Variants in PLCB1 observed in about 807,000 individuals in gnomAD.
PLCB1 encodes the protein phospholipase C beta 1.
PLCB1 carries 46 observed loss-of-function variants against 161.8 expected under a neutral mutation model. The ratio of observed to expected loss-of-function variants is 0.28; its 90% CI spans 0.22 to 0.36. PLCB1 has a LOEUF of 0.36. PLCB1 is among the 10% of genes least tolerant of loss of function. PLCB1 has a pLI of 1.00. For synonymous variants in PLCB1, 517 were observed against 503.7 expected (o/e 1.03, Z -0.35); for missense variants, 1,016 against 1,472.5 (o/e 0.69, Z 5.07).
chr20:8,526,096 T>TA (rs1568493935), intron 3 of PLCB1, among the ~76,000 whole-genome samples: 1 of 152,118 alleles, frequency 6.6e-6, no homozygotes, highest in Non-Finnish European at 1.5e-5. Context: ...GCGGTGGAGA[T>TA]ACCTGAGTAT....
chr20:8,880,156 A>C (rs1987921999), intron 31 of PLCB1, among the ~76,000 whole-genome samples: 1 of 152,136 alleles, frequency 6.6e-6, no homozygotes, highest in East Asian at 1.9e-4. Context: ...CCAAGCTAAT[A>C]AGGAGGTGTG....
intron 27 of PLCB1, among the ~76,000 whole-genome samples, chr20:8,776,926 T>A (rs182945036): frequency 6.6e-6 from 1 of 152,122 alleles, no homozygotes; most frequent in Admixed American, 6.6e-5. Flanking sequence ...GCTTGGCGAT[T>A]TTAAATAGAG....
At chr20:8,726,011 C>T (rs1362096521) in intron 16 of PLCB1, among the ~76,000 whole-genome samples, 2 of 151,842 alleles carry the variant, frequency 1.3e-5, no homozygotes, top group Non-Finnish European at 2.9e-5. Flanking sequence ...TTATGATGGA[C>T]CAAAATAAGA....
chr20:8,736,508 G>A (rs1178328328), intron 19 of PLCB1, among the ~76,000 whole-genome samples: 2 of 152,074 alleles, frequency 1.3e-5, no homozygotes, highest in Non-Finnish European at 2.9e-5. Context: ...CTACCAACCT[G>A]TGTTTGTCCA....
chr20:8,729,966 A>AT (rs1255435557), intron 18 of PLCB1: 2 of 151,956 alleles, frequency 1.3e-5, no homozygotes, highest in Non-Finnish European at 2.9e-5. Flanking sequence ...TTTCACTGTT[A>AT]TTTTAAATTC....
intron 31 of PLCB1, among the ~76,000 whole-genome samples, chr20:8,844,922 A>G (rs1340421989): frequency 6.6e-6 from 1 of 151,988 alleles, no homozygotes; most frequent in Admixed American, 6.6e-5. Context: ...CATCCTGGCT[A>G]ACATGGTGAA....
chr20:8,853,884 G>A (rs895110322), intron 31 of PLCB1, among the ~76,000 whole-genome samples: 7 of 152,134 alleles, frequency 4.6e-5, no homozygotes, highest in Non-Finnish European at 1.0e-4. Context: ...ACAAAGAAGC[G>A]CTGTTCTCCC....
chr20:8,575,078 C>T (rs924920434), intron 3 of PLCB1, among the ~76,000 whole-genome samples: 1 of 152,150 alleles, frequency 6.6e-6, no homozygotes, highest in Non-Finnish European at 1.5e-5. Context: ...TTAGTCCAAC[C>T]CATAGATTGG....
chr20:8,455,871 A>T (rs1271870570), intron 3 of PLCB1, among the ~76,000 whole-genome samples: 1 of 152,160 alleles, frequency 6.6e-6, no homozygotes, highest in Non-Finnish European at 1.5e-5. Context: ...ATAGGCTCCT[A>T]TCTTTGTGCT....
rs560246365 is a variant in PLCB1 at position 8,802,260 on chromosome 20, C to T, written c.3423+11999C>T. 8.3e-5 allele frequency: 55 copies of T among 666,410 alleles called. No homozygotes were observed. The African/African-American group carries it at 8.8e-4, about 11-fold the overall frequency. The allele number at this position is 666,410 out of a possible 1,614,324, so 41.3% of individuals were successfully genotyped here. A position where few individuals can be genotyped will look rare whatever the true frequency, so the allele number is the denominator to read the frequency against. On this transcript the variant is annotated intron_variant, in intron 31 of 31. Transcript: ENST00000338037. ...AGGCATCACGGACTTGCTCGTTTGT[C>T]CTTCATCCTCCCTTTCTCTACATTC... is the stretch of plus-strand genomic sequence containing the variant.
At chr20:8,190,480 G>A (rs1000012411) in intron 2 of PLCB1, among the ~76,000 whole-genome samples, 4 of 152,062 alleles carry the variant, frequency 2.6e-5, no homozygotes, top group Admixed American at 6.6e-5. Flanking sequence ...TTTGTAGTTA[G>A]CGGCTTGATA....
At chr20:8,779,205 C>T (rs1225924939) in intron 27 of PLCB1, among the ~76,000 whole-genome samples, 2 of 152,062 alleles carry the variant, frequency 1.3e-5, no homozygotes, top group African/African-American at 4.8e-5. Flanking sequence ...GAAAGCATGG[C>T]ATCCGTAAAC....
intron 31 of PLCB1, among the ~76,000 whole-genome samples, chr20:8,858,867 C>G (rs1743065762): frequency 7.4e-6 from 1 of 135,410 alleles, no homozygotes; most frequent in South Asian, 2.3e-4. Flanking sequence ...TTTCCCAACT[C>G]TTGTTCTTAG....
chr20:8,720,473 C>T (rs1049141874), intron 14 of PLCB1, among the ~76,000 whole-genome samples: 14 of 152,124 alleles, frequency 9.2e-5, no homozygotes, highest in Admixed American at 3.3e-4. Context: ...ACTGGGAACT[C>T]AAGTAACTTG....
At chr20:8,865,744 T>C (rs1218497007) in intron 31 of PLCB1, among the ~76,000 whole-genome samples, 1 of 152,120 alleles carries the variant, frequency 6.6e-6, no homozygotes, top group Non-Finnish European at 1.5e-5. Context: ...CTGCCCTAAC[T>C]TTTCATTGGC....
chr20:8,834,794 G>T (rs933908581), intron 31 of PLCB1, among the ~76,000 whole-genome samples: 5 of 114,722 alleles, frequency 4.4e-5, no homozygotes, highest in East Asian at 3.0e-4. Context: ...CAGCCTGGGC[G>T]ATAGACTCTG....
At chr20:8,629,963 C>CTTCTTTCT (rs201039269) in intron 4 of PLCB1, among the ~76,000 whole-genome samples, 2,142 of 111,062 alleles carry the variant, frequency 0.019, 44 homozygotes, top group East Asian at 0.039. Flanking sequence ...TTCTTTCTTT[C>CTTCTTTCT]TTCTTTCTTT....
intron 2 of PLCB1, among the ~76,000 whole-genome samples, chr20:8,277,132 C>T (rs564475001): frequency 1.3e-5 from 2 of 151,746 alleles, no homozygotes. Flanking sequence ...TCCTGAGTAG[C>T]TGGGACTACA....
At chr20:8,730,487 A>G (rs955671837) in intron 18 of PLCB1, among the ~76,000 whole-genome samples, 1 of 151,732 alleles carries the variant, frequency 6.6e-6, no homozygotes, top group Non-Finnish European at 1.5e-5. Context: ...CACTGTTTTT[A>G]CTGTATTTTA....
Sources: gnomAD v4.1 joint callset for allele counts (sites outside exome capture counted in the v4.1 genomes callset) on GRCh38, gnomAD v4.1.1 for gene constraint, MANE v1.5 for transcripts, NCBI Gene and HGNC (gene_info 2026-07-23, HGNC 2026-07-21) for gene names.